THEMIS: variants seen among roughly 807,000 people sequenced by gnomAD.
The protein encoded by THEMIS is thymocyte selection associated.
In THEMIS, 37 loss-of-function variants were observed where a neutral mutation model predicts 52.6. The ratio of observed to expected loss-of-function variants is 0.70; its 90% CI spans 0.54 to 0.93. THEMIS has a LOEUF of 0.93. Among genes scored for constraint, THEMIS ranks in the 40% least tolerant of loss-of-function variants. THEMIS has a pLI of 0.00. For missense variants in THEMIS, 808 were observed against 763.1 expected, an observed-to-expected ratio of 1.06 and a Z score of -0.69; for synonymous variants, 292 against 272.7, an observed-to-expected ratio of 1.07 and a Z score of -0.70.
chr6:127,806,827 T>C (rs448190), intron 4 of THEMIS, among the ~76,000 whole-genome samples: 87,288 of 151,710 alleles, frequency 0.58, 26,463 homozygotes, highest in Non-Finnish European at 0.65. Context: ...ATATTCCGTA[T>C]GTGCCATTGG....
At chr6:127,865,862 G>A (rs1282159527) in intron 1 of THEMIS, among the ~76,000 whole-genome samples, 1 of 152,034 alleles carries the variant, frequency 6.6e-6, no homozygotes, top group African/African-American at 2.4e-5. Context: ...CACTTAATGA[G>A]TTAAAAATCA....
chr6:127,915,621 C>A (rs1781508580), intron 1 of THEMIS, among the ~76,000 whole-genome samples: 3 of 126,548 alleles, frequency 2.4e-5, no homozygotes, highest in East Asian at 2.1e-4. Context: ...AGAGAGAGAA[C>A]TTGAGCTACA....
intron 1 of THEMIS, among the ~76,000 whole-genome samples, chr6:127,889,099 A>G (rs1780729223): frequency 6.6e-6 from 1 of 152,106 alleles, no homozygotes; most frequent in South Asian, 2.1e-4. Context: ...TTCTCTGCTA[A>G]TTATAGTCAC....
At chr6:127,798,387 G>A (rs1562263897) in intron 4 of THEMIS, among the ~76,000 whole-genome samples, 1 of 151,992 alleles carries the variant, frequency 6.6e-6, no homozygotes, top group Non-Finnish European at 1.5e-5. Context: ...AAGTTTTAGG[G>A]TACATGTGCA....
intron 4 of THEMIS, among the ~76,000 whole-genome samples, chr6:127,792,035 AG>A (rs1777175482): frequency 6.6e-6 from 1 of 152,074 alleles, no homozygotes; most frequent in Non-Finnish European, 1.5e-5. Context: ...TGCCCCTGGG[AG>A]GGCAGGGCTC....
intron 4 of THEMIS, among the ~76,000 whole-genome samples, chr6:127,746,687 T>C (rs1299011003): frequency 1.6e-5 from 2 of 124,380 alleles, no homozygotes; most frequent in African/African-American, 3.0e-5. Flanking sequence ...GTTATACATA[T>C]ATTTTATTTT....
intron 2 of THEMIS, among the ~76,000 whole-genome samples, chr6:127,840,206 A>G (rs1439564870): frequency 6.6e-6 from 1 of 152,132 alleles, no homozygotes; most frequent in Non-Finnish European, 1.5e-5. Flanking sequence ...TATTATAATA[A>G]TCAGAAATGC....
In THEMIS at chr6:127,728,653, T is replaced by C. The variant is rs557898842; in HGVS notation, c.1759-8830A>G. On this transcript the variant is annotated intron_variant, in intron 4 of 5. Transcript: ENST00000368248. ...TGCAAAGGTAAAGGTATTGGGGATA[T>C]GGTACTAAGAAAGAAGAGGCAAAGA... 1.6e-4 allele frequency among the ~76,000 whole-genome samples: 25 copies of C among 152,274 alleles called. No homozygotes were observed. In the East Asian group the frequency reaches 4.3e-3, roughly 26 times the overall value.
At chr6:127,734,807 T>C (rs941540908) in intron 4 of THEMIS, among the ~76,000 whole-genome samples, 1 of 135,532 alleles carries the variant, frequency 7.4e-6, no homozygotes, top group Admixed American at 8.3e-5. Flanking sequence ...AGGCTGAGGT[T>C]GCAATGAGCC....
At chr6:127,714,467 A>C (rs1774090413) in intron 5 of THEMIS, among the ~76,000 whole-genome samples, 1 of 151,880 alleles carries the variant, frequency 6.6e-6, no homozygotes, top group Admixed American at 6.6e-5. Flanking sequence ...CCCAGCCATA[A>C]AAAATCAGGC....
intron 1 of THEMIS, among the ~76,000 whole-genome samples, chr6:127,910,840 C>A (rs1258902329): frequency 6.6e-6 from 1 of 152,082 alleles, no homozygotes; most frequent in African/African-American, 2.4e-5. Context: ...ATTTTGCTAA[C>A]GTCATTTTTC....
chr6:127,704,772 A>G (rs1489973733), downstream of THEMIS, among the ~76,000 whole-genome samples: 1 of 152,208 alleles, frequency 6.6e-6, no homozygotes, highest in Non-Finnish European at 1.5e-5. Context: ...TGACTGATGA[A>G]GCACACAAGG....
chr6:127,912,595 G>C (rs1228340937), intron 1 of THEMIS, among the ~76,000 whole-genome samples: 1 of 152,080 alleles, frequency 6.6e-6, no homozygotes, highest in African/African-American at 2.4e-5. Context: ...TATTATTTTA[G>C]ACCCAGGGAT....
At chr6:127,754,368 A>C (rs1775749529) in intron 4 of THEMIS, among the ~76,000 whole-genome samples, 1 of 152,146 alleles carries the variant, frequency 6.6e-6, no homozygotes, top group African/African-American at 2.4e-5. Flanking sequence ...CAAATTGTGA[A>C]ATATGTTTAC....
At chr6:127,800,649 G>A (rs796194918) in intron 4 of THEMIS, among the ~76,000 whole-genome samples, 7 of 152,332 alleles carry the variant, frequency 4.6e-5, no homozygotes, top group African/African-American at 1.7e-4. Context: ...GCTGGGAAAG[G>A]CAGACCCACC....
At chr6:127,915,556 TA>T (rs201712147) in intron 1 of THEMIS, among the ~76,000 whole-genome samples, 2,505 of 116,940 alleles carry the variant, frequency 0.021, 79 homozygotes, top group African/African-American at 0.077. Context: ...AGGAGGGGGC[TA>T]GGGGTGGGGA....
At position 127,826,608 on chromosome 6, in the gene THEMIS, T is replaced by C. The variant is rs937609078; in HGVS notation, c.709+2868A>G. ...AATTATCAATCTATATGTCAAAACA[T>C]GACACTATTTTAAAAGTTTTAATGG... On this transcript the variant is annotated intron_variant, in intron 3 of 5. Coordinates refer to ENST00000368248, the MANE Select transcript of THEMIS (RefSeq NM_001010923.3). Among the ~76,000 whole-genome samples, 4 of 152,182 alleles carry C rather than the reference T, an allele frequency of 2.6e-5. No individual in the cohort carries two copies. In the South Asian group the frequency reaches 8.3e-4, roughly 31 times the overall value.
At chr6:127,739,407 G>T (rs1200488269) in intron 4 of THEMIS, among the ~76,000 whole-genome samples, 1 of 152,168 alleles carries the variant, frequency 6.6e-6, no homozygotes, top group Admixed American at 6.5e-5. Flanking sequence ...CAGCACTTTG[G>T]GAGGCCAAGG....
At chr6:127,817,065 C>T (rs1778159832) in intron 3 of THEMIS, among the ~76,000 whole-genome samples, 1 of 151,998 alleles carries the variant, frequency 6.6e-6, no homozygotes, top group African/African-American at 2.4e-5. Context: ...TTCATGTCAC[C>T]CTTCACCTTC....
Sources: allele counts gnomAD v4.1 joint callset (sites outside exome capture counted in the v4.1 genomes callset), GRCh38; gene constraint gnomAD v4.1.1; transcripts MANE v1.5; gene names NCBI Gene and HGNC (gene_info 2026-07-23, HGNC 2026-07-21).